POU2F1: variants seen among roughly 807,000 people sequenced by gnomAD.
POU2F1 encodes POU class 2 homeobox 1, also known as POU domain, class 2, transcription factor 1.
A neutral mutation model predicts 84.9 loss-of-function variants in POU2F1; 16 were observed. The ratio of observed to expected loss-of-function variants is 0.19; its 90% CI spans 0.13 to 0.29. The LOEUF (loss-of-function observed/expected upper bound fraction) is 0.29, where lower values mean the gene tolerates loss of function less well. POU2F1 is among the 10% of genes least tolerant of loss of function. The probability of loss-of-function intolerance (pLI) is 1.00; values close to 1 mark genes in which losing one functional copy is unlikely to be tolerated. For synonymous variants in POU2F1, 368 were observed against 368.3 expected (o/e 1.00, Z 0.01); for missense variants, 738 against 942.6 (o/e 0.78, Z 2.84).
chr1:167,382,407 A>C (rs1647631782), intron 7 of POU2F1, among the ~76,000 whole-genome samples: 1 of 152,174 alleles, frequency 6.6e-6, no homozygotes, highest in South Asian at 2.1e-4. Context: ...GAACAGCTTG[A>C]CCTGATCCAG....
intron 1 of POU2F1, among the ~76,000 whole-genome samples, chr1:167,324,412 G>T (rs183900898): frequency 2.0e-5 from 3 of 147,206 alleles, no homozygotes; most frequent in Non-Finnish European, 4.4e-5. Flanking sequence ...AGTGAAAAAC[G>T]TAAAAATCTT....
intron 8 of POU2F1, among the ~76,000 whole-genome samples, chr1:167,385,211 A>G (rs540649678): frequency 5.5e-4 from 84 of 152,282 alleles, no homozygotes; most frequent in African/African-American, 1.9e-3. Context: ...AAGAAGTAAT[A>G]TGTTCATGAA....
chr1:167,268,586 C>T (rs1353136186), intron 1 of POU2F1, among the ~76,000 whole-genome samples: 1 of 152,198 alleles, frequency 6.6e-6, no homozygotes, highest in African/African-American at 2.4e-5. Flanking sequence ...TCCACATGCC[C>T]TGCACATAAG....
chr1:167,300,598 G>A (rs953371353), intron 1 of POU2F1, among the ~76,000 whole-genome samples: 1 of 152,008 alleles, frequency 6.6e-6, no homozygotes, highest in Non-Finnish European at 1.5e-5. Flanking sequence ...CCGAGTAGCT[G>A]GGACTACAGG....
intron 3 of POU2F1, among the ~76,000 whole-genome samples, chr1:167,365,853 A>G (rs1217923267): frequency 6.6e-6 from 1 of 152,184 alleles, no homozygotes; most frequent in Non-Finnish European, 1.5e-5. Context: ...TGTGGTGGCT[A>G]TCTGATGGTA....
chr1:167,284,475 A>T (rs975064677), intron 1 of POU2F1, among the ~76,000 whole-genome samples: 6 of 152,178 alleles, frequency 3.9e-5, no homozygotes, highest in African/African-American at 1.4e-4. Context: ...TTCCATTGCT[A>T]CCTGACAGAA....
Position 167,371,968 on chromosome 1 carries a change from C to G in POU2F1, c.334C>G (p.Gln112Glu). 6.2e-7 allele frequency: 1 copy of G among 1,614,144 alleles called. No homozygotes were observed. Among genetic ancestry groups the G allele is most frequent in the Non-Finnish European group, 8.5e-7 (1 of 1,180,004 alleles). Residue 112 changes from glutamine (Q) to glutamate (E), a missense_variant, in exon 5 of 16, where the codon CAG (glutamine) becomes GAG (glutamate). By Grantham distance (29) the Gln-to-Glu change is conservative. Coordinates refer to ENST00000367866, the MANE Select transcript of POU2F1 (RefSeq NM_002697.4). ...GDSQQPSQPS[Q>E]QPSVQAAIPQ... ...TTCGCAGCAGCCAAGCCAGCCTTCC[C>G]AGCAGCCTTCAGTGCAGGCAGCCAT...
intron 7 of POU2F1, among the ~76,000 whole-genome samples, chr1:167,377,581 C>T (rs980234411): frequency 3.9e-5 from 6 of 151,974 alleles, no homozygotes; most frequent in African/African-American, 1.5e-4. Context: ...AGTGAGACTC[C>T]GTCTAAAAAA....
In POU2F1 at chr1:167,424,998, CTTTT is replaced by C. The variant is rs1650866023; in HGVS notation, c.*9192_*9195del. The C allele has an allele frequency of 6.6e-6, 1 of 152,200 alleles. No homozygotes were observed. The highest frequency in any genetic ancestry group is 1.9e-4 in the East Asian group (1 of 5,180). The allele number at this position is 152,200 out of a possible 1,614,324, so 9.4% of individuals were successfully genotyped here. On this transcript the variant is annotated 3_prime_UTR_variant, in exon 16 of 16. Coordinates refer to ENST00000367866, the MANE Select transcript of POU2F1 (RefSeq NM_002697.4). ...AGCTGACTGCTGCATACACATTTCA[CTTTT>C]TTTCCTTTGACATGACCAAAAATAT...
rs751662630 is a variant in POU2F1, at chr1:167,398,010, T to A, written c.1146T>A (p.Asp382Glu). The A allele has an allele frequency of 6.2e-7, 1 of 1,613,302 alleles. No individual in the cohort carries two copies. Residue 382 changes from aspartate to glutamate, a missense_variant, in exon 11 of 16, where the codon GAT (aspartate) becomes GAA (glutamate). Transcript: ENST00000367866. The stretch of plus-strand genomic sequence containing the variant: ...TTCTTACAGAGAACCTCTCATCTGA[T>A]TCGTCCCTCTCCAGCCCAAGTGCCC... ...WLNDAENLSS[D>E]SSLSSPSALN... is the part of the protein sequence containing the mutation.
At chr1:167,398,324 C>T (rs998556513) in intron 11 of POU2F1, among the ~76,000 whole-genome samples, 191 bp downstream of exon 11, 16 of 152,114 alleles carry the variant, frequency 1.1e-4, no homozygotes, top group African/African-American at 3.6e-4. Context: ...TCAGGAGAGA[C>T]TAGAATCACA....
intron 1 of POU2F1, chr1:167,329,147 C>T (rs1221549248): frequency 1.4e-5 from 19 of 1,401,740 alleles, no homozygotes; most frequent in Admixed American, 1.1e-4. Context: ...CCACCCTACG[C>T]AACCCCCCTC....
intron 9 of POU2F1, among the ~76,000 whole-genome samples, chr1:167,391,438 A>G (rs1401371803): frequency 6.6e-6 from 1 of 151,378 alleles, no homozygotes. Flanking sequence ...TACTCAAATT[A>G]TTTTGTGTTG....
At chr1:167,340,678 T>C (rs1657788413) in intron 2 of POU2F1, among the ~76,000 whole-genome samples, 1 of 151,916 alleles carries the variant, frequency 6.6e-6, no homozygotes, top group Admixed American at 6.6e-5. Flanking sequence ...GCGATCCACC[T>C]GCCTCAGCCT....
At chr1:167,272,223 T>C (rs1387089900) in intron 1 of POU2F1, among the ~76,000 whole-genome samples, 3 of 152,278 alleles carry the variant, frequency 2.0e-5, no homozygotes, top group East Asian at 3.9e-4. Context: ...TGTATTCTTA[T>C]ATTTGCTTAT....
intron 4 of POU2F1, 66 bp from the exon 5 acceptor site, chr1:167,371,851 G>T (rs774686881): frequency 8.2e-6 from 13 of 1,587,350 alleles, no homozygotes; most frequent in Non-Finnish European, 1.1e-5. Context: ...TAAAAGATGG[G>T]GTTTTAAGTA....
rs767793593 is a variant in POU2F1, at chr1:167,399,225, G to T, written c.1309G>T (p.Asp437Tyr). The change falls in exon 12 of 16, where the codon GAT becomes TAT. Residue 437 changes from aspartate to tyrosine, a missense_variant. Transcript: ENST00000367866. The part of the protein sequence containing the change: ...PTSEEITMIA[D>Y]QLNMEKEVIR... ...CTCGGAAGAGATCACTATGATTGCT[G>T]ATCAGCTCAATATGGAAAAAGAGGT... 2 of 1,613,708 alleles carry T rather than the reference G, an allele frequency of 1.2e-6. No homozygotes were observed. Among genetic ancestry groups the T allele is most frequent in the South Asian group, 2.2e-5 (2 of 91,058 alleles).
intron 11 of POU2F1, 36 bp from the exon 12 acceptor site, chr1:167,399,150 G>A: frequency 6.4e-7 from 1 of 1,565,362 alleles, no homozygotes; most frequent in Non-Finnish European, 8.7e-7. Flanking sequence ...TTATTGCAAA[G>A]GATAGCTTTT....
At chr1:167,330,353 C>T (rs1043377798) in intron 1 of POU2F1, among the ~76,000 whole-genome samples, 2 of 152,048 alleles carry the variant, frequency 1.3e-5, no homozygotes, top group Non-Finnish European at 2.9e-5. Context: ...ATGGCCTAAA[C>T]CCAGGGTAGC....
Sources: allele counts gnomAD v4.1 joint callset (sites outside exome capture counted in the v4.1 genomes callset), GRCh38; gene constraint gnomAD v4.1.1; transcripts MANE v1.5; gene names NCBI Gene and HGNC (gene_info 2026-07-23, HGNC 2026-07-21).